The following RUNX1 variants were observed in gnomAD, a reference collection of about 807,000 sequenced individuals.
RUNX1 encodes the protein runt-related transcription factor 1.
A neutral mutation model predicts 42.8 loss-of-function variants in RUNX1; 19 were observed. The ratio of observed to expected loss-of-function variants is 0.44; its 90% CI spans 0.31 to 0.65. The LOEUF (loss-of-function observed/expected upper bound fraction) is 0.65. RUNX1 is among the 30% of genes least tolerant of loss of function. The probability of loss-of-function intolerance (pLI) is 0.07; values close to 1 mark genes in which losing one functional copy is unlikely to be tolerated. For missense variants in RUNX1, 528 were observed against 672.0 expected (o/e 0.79, Z 2.37); for synonymous variants, 271 against 289.4 (o/e 0.94, Z 0.64).
chr21:34,990,910 T>C (rs980668751), intron 2 of RUNX1, among the ~76,000 whole-genome samples: 2 of 152,202 alleles, frequency 1.3e-5, no homozygotes, highest in Middle Eastern at 3.2e-3. Flanking sequence ...ATTTTTGCTA[T>C]ACATTTTGCA....
At chr21:35,032,383 G>C (rs1177702034) in intron 2 of RUNX1, among the ~76,000 whole-genome samples, 2 of 152,068 alleles carry the variant, frequency 1.3e-5, no homozygotes, top group African/African-American at 4.8e-5. Context: ...TTTTTGAAGA[G>C]GAAAAATAAG....
chr21:34,888,860 C>G (rs566141734), intron 3 of RUNX1, among the ~76,000 whole-genome samples: 8 of 151,774 alleles, frequency 5.3e-5, no homozygotes, highest in African/African-American at 1.9e-4. Context: ...CGCGCGCCCC[C>G]GCCGCCGCGC....
intron 2 of RUNX1, among the ~76,000 whole-genome samples, chr21:34,951,479 A>G (rs2058606954): frequency 6.6e-6 from 1 of 152,238 alleles, no homozygotes; most frequent in South Asian, 2.1e-4. Flanking sequence ...CAATCTATTC[A>G]TCTGACAAAG....
chr21:34,914,899 G>A (rs1033118891), intron 2 of RUNX1, among the ~76,000 whole-genome samples: 1 of 152,168 alleles, frequency 6.6e-6, no homozygotes, highest in Non-Finnish European at 1.5e-5. Context: ...CCTTCAATCT[G>A]AGTGTAAAGC....
At chr21:34,887,257 G>GGGGGGGGGGT in intron 3 of RUNX1, 161 bp from the exon 4 acceptor site, 1 of 1,309,542 alleles carries the variant, frequency 7.6e-7, no homozygotes, top group Non-Finnish European at 9.9e-7. Flanking sequence ...GGGGGCGGGG[G>GGGGGGGGGGT]TGGTTAGGGG....
chr21:35,000,040 A>G (rs112616565), intron 2 of RUNX1, among the ~76,000 whole-genome samples: 2,489 of 152,244 alleles, frequency 0.016, 71 homozygotes, highest in African/African-American at 0.057. Flanking sequence ...ATTTGATTGC[A>G]ATCCAAACAA....
At position 34,986,993 on chromosome 21, in the gene RUNX1, A is replaced by T. The variant is rs76228127; in HGVS notation, c.58+61849T>A. On this transcript the variant is annotated intron_variant, in intron 2 of 8. Coordinates refer to ENST00000675419, the MANE Select transcript of RUNX1 (RefSeq NM_001754.5). ...TGAAGCCAGTCCCAATGGGACCGAC[A>T]TGATTGACAGGCCAGGGAAGCCTCA... Among the ~76,000 whole-genome samples, 85 of 152,300 alleles carry T rather than the reference A, an allele frequency of 5.6e-4. 2 individuals carry two copies. In the East Asian group the frequency reaches 0.016, roughly 29 times the overall value.
chr21:34,853,348 A>G (rs941213892), intron 6 of RUNX1, among the ~76,000 whole-genome samples: 1 of 152,224 alleles, frequency 6.6e-6, no homozygotes, highest in African/African-American at 2.4e-5. Context: ...CCAAAGCAAC[A>G]GGGCTCTGCT....
chr21:34,856,926 A>G (rs955675738), intron 6 of RUNX1, among the ~76,000 whole-genome samples: 8 of 152,206 alleles, frequency 5.3e-5, no homozygotes, highest in Admixed American at 4.6e-4. Context: ...AGCTTACTAT[A>G]GAAAGTTCCC....
At chr21:34,873,950 C>T (rs1432270455) in intron 5 of RUNX1, among the ~76,000 whole-genome samples, 6 of 152,182 alleles carry the variant, frequency 3.9e-5, no homozygotes, top group South Asian at 4.1e-4. Flanking sequence ...GCCGACAAAA[C>T]GAGCGCATGT....
rs1555901332 is a variant in RUNX1 at position 34,894,880 on chromosome 21, A to AAAAC, written c.59-1918_59-1917insGTTT. Among the ~76,000 whole-genome samples the AAAAC allele has an allele frequency of 3.1e-5, 4 of 127,964 alleles. No homozygotes were observed. In the South Asian group the frequency reaches 1.1e-3, roughly 36 times the overall value. 83.9% of individuals were successfully genotyped at this position (127,964 alleles called of 152,430 possible). On this transcript the variant is annotated intron_variant, in intron 2 of 8. Coordinates refer to ENST00000675419, the MANE Select transcript of RUNX1 (RefSeq NM_001754.5). The stretch of plus-strand genomic sequence containing the variant: ...TCACATCACTCTTGACCTACATAGA[A>AAAAC]ACACACACACACACACACACACACA...
chr21:34,803,563 T>TA (rs1056570047), intron 7 of RUNX1, among the ~76,000 whole-genome samples: 4 of 150,344 alleles, frequency 2.7e-5, no homozygotes, highest in African/African-American at 1.0e-4. Context: ...AAAAAAATAA[T>TA]AATAAATAAA....
At chr21:35,005,890 A>G (rs2146892433) in intron 2 of RUNX1, among the ~76,000 whole-genome samples, 1 of 152,308 alleles carries the variant, frequency 6.6e-6, no homozygotes, top group South Asian at 2.1e-4. Flanking sequence ...GCCTTGACAC[A>G]TTTAATGTCA....
chr21:34,971,167 G>A (rs190841360), intron 2 of RUNX1, among the ~76,000 whole-genome samples: 1 of 152,138 alleles, frequency 6.6e-6, no homozygotes, highest in East Asian at 1.9e-4. Flanking sequence ...TGACTTATTA[G>A]TATTAGGCTC....
chr21:34,843,069 C>CA lies in RUNX1; in HGVS notation c.614-8469dup, dbSNP rs2057263969. 6.6e-6 allele frequency among the ~76,000 whole-genome samples: 1 copy of CA among 151,852 alleles called. No individual in the cohort carries two copies. Among genetic ancestry groups the CA allele is most frequent in the East Asian group, 1.9e-4 (1 of 5,180 alleles). On this transcript the variant is annotated intron_variant, in intron 6 of 8. Coordinates refer to ENST00000675419, the MANE Select transcript of RUNX1 (RefSeq NM_001754.5). This position sits in a 1 kb window ranked among gnomAD's most constrained non-coding sequence, Gnocchi z 4.8. ...TGAGCGACAGAGCGAGACTCTGTCT[C>CA]AAAAAACAAAACAAAACAAAATATA...
intron 2 of RUNX1, among the ~76,000 whole-genome samples, chr21:34,970,448 A>T (rs981232558): frequency 6.6e-6 from 1 of 152,246 alleles, no homozygotes; most frequent in Non-Finnish European, 1.5e-5. Flanking sequence ...CAGATGTGGC[A>T]GAAGAACAGG....
intron 2 of RUNX1, among the ~76,000 whole-genome samples, chr21:35,025,043 A>G (rs1006252301): frequency 3.9e-5 from 6 of 152,256 alleles, no homozygotes; most frequent in Non-Finnish European, 7.3e-5. Context: ...AGTCATTTCA[A>G]AAAAGCAGAT....
intron 3 of RUNX1, 151 bp from the exon 4 acceptor site, chr21:34,887,247 G>GT (rs1601530232): frequency 1.6e-6 from 1 of 639,648 alleles, no homozygotes; most frequent in Non-Finnish European, 2.3e-6. Context: ...GGGGGTGGGG[G>GT]GGGGCGGGGG....
intron 2 of RUNX1, among the ~76,000 whole-genome samples, chr21:35,006,443 C>T (rs771822436): frequency 6.6e-6 from 1 of 152,188 alleles, no homozygotes; most frequent in African/African-American, 2.4e-5. Flanking sequence ...GAGCACCCTT[C>T]CTCTAGCAGA....
Sources: gnomAD v4.1 joint callset for allele counts (sites outside exome capture counted in the v4.1 genomes callset) on GRCh38, gnomAD v4.1.1 for gene constraint, Gnocchi (gnomAD v3.1) non-coding constraint, MANE v1.5 for transcripts, NCBI Gene and HGNC (gene_info 2026-07-23, HGNC 2026-07-21) for gene names.